Variants in LDLRAD3 observed in about 807,000 individuals in gnomAD.
LDLRAD3 encodes low density lipoprotein receptor class A domain containing 3.
Under a neutral mutation model 29.4 loss-of-function variants are expected in LDLRAD3, and 20 were observed. The observed-to-expected ratio is 0.68, with a 90% confidence interval of 0.48 to 0.99. The LOEUF (loss-of-function observed/expected upper bound fraction) is 0.99. LDLRAD3 is among the 50% of genes least tolerant of loss of function. The probability of loss-of-function intolerance (pLI) is 0.00; values close to 1 mark genes in which losing one functional copy is unlikely to be tolerated. For synonymous variants in LDLRAD3, 157 were observed against 192.7 expected (o/e 0.81, Z 1.53); for missense variants, 420 against 454.3 (o/e 0.92, Z 0.69).
chr11:36,071,263 C>G (rs373290758), intron 2 of LDLRAD3, among the ~76,000 whole-genome samples: 2 of 152,174 alleles, frequency 1.3e-5, no homozygotes, highest in Non-Finnish European at 2.9e-5. Flanking sequence ...ATCAGCCCAT[C>G]GCAGACAATC....
intron 4 of LDLRAD3, among the ~76,000 whole-genome samples, chr11:36,180,333 A>C (rs564803182): frequency 4.6e-5 from 7 of 151,990 alleles, no homozygotes; most frequent in Non-Finnish European, 8.8e-5. Flanking sequence ...TGGGCCATTT[A>C]CTCAACATAC....
chr11:35,991,867 T>TTGTGTGTGTGTGTGTG (rs33941156), intron 1 of LDLRAD3, among the ~76,000 whole-genome samples: 2,011 of 82,668 alleles, frequency 0.024, 67 homozygotes, highest in African/African-American at 0.051. Flanking sequence ...GAATGGTTGT[T>TTGTGTGTGTGTGTGTG]TGTGTGTGTG....
chr11:35,969,662 G>T (rs1261035881), intron 1 of LDLRAD3, among the ~76,000 whole-genome samples: 2 of 152,196 alleles, frequency 1.3e-5, no homozygotes, highest in Non-Finnish European at 2.9e-5. Context: ...TAGGCCCCGT[G>T]TTGCCTTGTT....
At chr11:36,207,754 A>C (rs2133379116) in intron 4 of LDLRAD3, among the ~76,000 whole-genome samples, 1 of 152,302 alleles carries the variant, frequency 6.6e-6, no homozygotes, top group South Asian at 2.1e-4. Flanking sequence ...TGAATCTCAA[A>C]AGGCAGGCAT....
At chr11:36,009,759 T>G (rs554627669) in intron 1 of LDLRAD3, among the ~76,000 whole-genome samples, 1 of 152,196 alleles carries the variant, frequency 6.6e-6, no homozygotes, top group African/African-American at 2.4e-5. Flanking sequence ...TTTTTTTCCA[T>G]TATTCATATT....
At chr11:36,189,729 T>G (rs981248529) in intron 4 of LDLRAD3, among the ~76,000 whole-genome samples, 29 of 145,766 alleles carry the variant, frequency 2.0e-4, no homozygotes, top group Non-Finnish European at 3.2e-4. Flanking sequence ...CCCTCCCCCC[T>G]TCCCCCACCC....
At chr11:36,224,522 T>C (rs1855473047) in intron 4 of LDLRAD3, among the ~76,000 whole-genome samples, 3 of 152,244 alleles carry the variant, frequency 2.0e-5, no homozygotes, top group African/African-American at 2.4e-5. Context: ...TGACAGCTAA[T>C]TGTCTCCAGA....
At chr11:36,107,317 C>T (rs1303785760) in intron 4 of LDLRAD3, among the ~76,000 whole-genome samples, 1 of 152,004 alleles carries the variant, frequency 6.6e-6, no homozygotes. Context: ...TCTCCTGCCA[C>T]AGCCTCCCGA....
intron 4 of LDLRAD3, among the ~76,000 whole-genome samples, chr11:36,144,969 C>G (rs374077920): frequency 0.25 from 19,352 of 77,516 alleles, 3,545 homozygotes; most frequent in African/African-American, 0.46. Context: ...CGCCCCGTCC[C>G]GGAAGGAGGT....
At position 36,082,536 on chromosome 11, in the gene LDLRAD3, A is replaced by G. The variant is rs549342082; in HGVS notation, c.319+758A>G. Among the ~76,000 whole-genome samples the G allele has an allele frequency of 3.9e-5, 6 of 152,364 alleles. No homozygotes were observed. In the South Asian group the frequency reaches 6.2e-4, roughly 16 times the overall value. The stretch of plus-strand genomic sequence containing the variant: ...CAAAAAGTGTTTATATGTTAGTTGT[A>G]TGCATACTATAAAAATTTATTCTTG... On this transcript the variant is annotated intron_variant, in intron 3 of 5. Coordinates refer to ENST00000315571, the MANE Select transcript of LDLRAD3 (RefSeq NM_174902.4).
intron 1 of LDLRAD3, chr11:35,989,050 A>G (rs1395924706): frequency 1.3e-5 from 2 of 152,194 alleles, no homozygotes; most frequent in Non-Finnish European, 2.9e-5. Context: ...ATTTTTGTAT[A>G]TAGTGAAAGA....
chr11:36,229,681 G>C lies in LDLRAD3; in HGVS notation c.*284G>C, dbSNP rs1256249445. 9 of 449,864 alleles carry C rather than the reference G, an allele frequency of 2.0e-5. No homozygotes were observed. The highest frequency in any genetic ancestry group is 3.6e-5 in the Non-Finnish European group (9 of 249,856). The allele number at this position is 449,864 out of a possible 1,614,324, so 27.9% of individuals were successfully genotyped here. A position where few individuals can be genotyped will look rare whatever the true frequency, so the allele number is the denominator to read the frequency against. On this transcript the variant is annotated 3_prime_UTR_variant, in exon 6 of 6. Coordinates refer to ENST00000315571, the MANE Select transcript of LDLRAD3 (RefSeq NM_174902.4). ...CACATTATTCTGTTTCTGTTGGAGAGACAGCATATAAAACAGTATTGAAAT... is the reference window on the plus strand; with the variant it reads ...CACATTATTCTGTTTCTGTTGGAGACACAGCATATAAAACAGTATTGAAAT...
chr11:36,001,709 C>G (rs927908969), intron 1 of LDLRAD3, among the ~76,000 whole-genome samples: 2 of 151,598 alleles, frequency 1.3e-5, no homozygotes, highest in African/African-American at 2.4e-5. Context: ...ACCAGTAATC[C>G]TATCATTCAG....
chr11:36,169,987 C>T (rs1461965723), intron 4 of LDLRAD3, among the ~76,000 whole-genome samples: 1 of 151,954 alleles, frequency 6.6e-6, no homozygotes, highest in Non-Finnish European at 1.5e-5. Flanking sequence ...GTACACTGTA[C>T]CCAATGTGCA....
intron 4 of LDLRAD3, among the ~76,000 whole-genome samples, chr11:36,210,516 C>G (rs566309599): frequency 7.9e-5 from 12 of 152,116 alleles, no homozygotes; most frequent in African/African-American, 2.9e-4. Context: ...TTTGAATCCT[C>G]CACAGCCCGA....
chr11:36,178,678 C>T (rs1854713981), intron 4 of LDLRAD3, among the ~76,000 whole-genome samples: 1 of 152,226 alleles, frequency 6.6e-6, no homozygotes, highest in Non-Finnish European at 1.5e-5. Flanking sequence ...TAATTCCCTT[C>T]ACATGAAATA....
chr11:36,216,829 A>G lies in LDLRAD3; in HGVS notation c.455-10256A>G, dbSNP rs188555690. ...GTATATTGATCAGACTCTAAGATTGAGTATTCATTGAAGTTACTGGAAAGG... is the reference window on the plus strand; with the variant it reads ...GTATATTGATCAGACTCTAAGATTGGGTATTCATTGAAGTTACTGGAAAGG... On this transcript the variant is annotated intron_variant, in intron 4 of 5. Transcript: ENST00000315571. 3.3e-5 allele frequency among the ~76,000 whole-genome samples: 5 copies of G among 152,330 alleles called. No individual in the cohort carries two copies. In the East Asian group the frequency reaches 9.6e-4, roughly 29 times the overall value.
chr11:36,218,320 A>G (rs1855379756), intron 4 of LDLRAD3, among the ~76,000 whole-genome samples: 1 of 152,184 alleles, frequency 6.6e-6, no homozygotes, highest in Non-Finnish European at 1.5e-5. Context: ...TGGGAAATTA[A>G]TCACAGGGAA....
chr11:36,065,555 T>C (rs1852777510), intron 2 of LDLRAD3, among the ~76,000 whole-genome samples: 1 of 152,224 alleles, frequency 6.6e-6, no homozygotes, highest in Non-Finnish European at 1.5e-5. Context: ...GGTGAAACCT[T>C]TCCTAGAGCA....
Sources: allele counts gnomAD v4.1 joint callset (sites outside exome capture counted in the v4.1 genomes callset), GRCh38; gene constraint gnomAD v4.1.1; transcripts MANE v1.5; gene names NCBI Gene and HGNC (gene_info 2026-07-23, HGNC 2026-07-21).